The following MKLN1 variants were observed in gnomAD, a reference collection of about 807,000 sequenced individuals.
MKLN1 encodes muskelin.
Under a neutral mutation model 99.0 loss-of-function variants are expected in MKLN1, and 18 were observed. The ratio of observed to expected loss-of-function variants is 0.18; its 90% confidence interval spans 0.13 to 0.27. MKLN1 has a LOEUF of 0.27. Ranked by LOEUF, MKLN1 falls within the 10% of genes least tolerant of loss-of-function variation. The pLI is 1.00. For missense variants in MKLN1, 621 were observed against 875.9 expected (o/e 0.71, Z 3.67); for synonymous variants, 288 against 293.2 (o/e 0.98, Z 0.18).
At chr7:131,158,915 G>C (rs1239057993) in intron 2 of MKLN1, among the ~76,000 whole-genome samples, 1 of 152,150 alleles carries the variant, frequency 6.6e-6, no homozygotes, top group African/African-American at 2.4e-5. Context: ...TTAGATCCCT[G>C]CCTTCTAGTA....
At chr7:131,134,155 T>G (rs1176589570) in intron 1 of MKLN1, among the ~76,000 whole-genome samples, 1 of 152,138 alleles carries the variant, frequency 6.6e-6, no homozygotes, top group Non-Finnish European at 1.5e-5. Flanking sequence ...CTCTAGAAAC[T>G]GTGCTCATCA....
intron 6 of MKLN1, among the ~76,000 whole-genome samples, chr7:131,409,321 A>T (rs953722616): frequency 1.3e-5 from 2 of 152,248 alleles, no homozygotes; most frequent in African/African-American, 2.4e-5. Flanking sequence ...ATTATTTGGG[A>T]TGCAGAGGTG....
intron 2 of MKLN1, among the ~76,000 whole-genome samples, chr7:131,191,000 G>C (rs1791922421): frequency 6.6e-6 from 1 of 152,224 alleles, no homozygotes; most frequent in Admixed American, 6.5e-5. Flanking sequence ...TGAGGACCGA[G>C]ACTCTCTGCT....
chr7:131,117,536 T>C (rs972759856), intron 1 of MKLN1, among the ~76,000 whole-genome samples: 2 of 152,218 alleles, frequency 1.3e-5, no homozygotes, highest in African/African-American at 2.4e-5. Context: ...ATTCTAGGCA[T>C]ACTTATGTGA....
intron 3 of MKLN1, among the ~76,000 whole-genome samples, chr7:131,203,629 A>G (rs17165483): frequency 0.15 from 22,204 of 152,210 alleles, 2,061 homozygotes; most frequent in East Asian, 0.4. Context: ...GTCATTGTCA[A>G]CTGATTGGGC....
intron 2 of MKLN1, among the ~76,000 whole-genome samples, chr7:131,161,923 A>G (rs889114008): frequency 6.8e-6 from 1 of 146,366 alleles, no homozygotes. Context: ...ATAGTATGTT[A>G]TATATACATA....
At position 131,431,948 on chromosome 7, in the gene MKLN1, A is replaced by T. The variant is rs553003215; in HGVS notation, c.960+2803A>T. 4.6e-5 allele frequency among the ~76,000 whole-genome samples: 7 copies of T among 152,240 alleles called. No individual in the cohort carries two copies. In the South Asian group the frequency reaches 1.4e-3, roughly 32 times the overall value. Reference sequence around the variant, plus strand: ...AACTTTACCTAATAAATACCCACTTATTCTTTAAAACTCAGTTCAGACTTC... The same window carrying T: ...AACTTTACCTAATAAATACCCACTTTTTCTTTAAAACTCAGTTCAGACTTC... On this transcript the variant is annotated intron_variant, in intron 9 of 17. Transcript: ENST00000352689.
intron 1 of MKLN1, among the ~76,000 whole-genome samples, chr7:131,339,502 C>G (rs1207701794): frequency 6.6e-6 from 1 of 152,024 alleles, no homozygotes; most frequent in Non-Finnish European, 1.5e-5. Flanking sequence ...GTCAGGAATT[C>G]AGCCTGGCCA....
intron 8 of MKLN1, among the ~76,000 whole-genome samples, chr7:131,416,675 C>T (rs571585196): frequency 6.6e-6 from 1 of 151,938 alleles, no homozygotes; most frequent in Non-Finnish European, 1.5e-5. Context: ...CTTACCCCTA[C>T]TCCCTTTAAA....
At chr7:131,412,240 C>T (rs1296830053) in intron 7 of MKLN1, among the ~76,000 whole-genome samples, 1 of 152,174 alleles carries the variant, frequency 6.6e-6, no homozygotes, top group Non-Finnish European at 1.5e-5. Context: ...GGTTGGGCAG[C>T]TTTTACACAG....
At chr7:131,168,559 G>A (rs1796168757) in intron 2 of MKLN1, among the ~76,000 whole-genome samples, 2 of 152,148 alleles carry the variant, frequency 1.3e-5, no homozygotes, top group South Asian at 4.2e-4. Flanking sequence ...GCTGTTCTCT[G>A]TAGCGCTTAC....
intron 3 of MKLN1, among the ~76,000 whole-genome samples, chr7:131,224,404 G>A (rs1344030388): frequency 6.6e-6 from 1 of 152,074 alleles, no homozygotes; most frequent in African/African-American, 2.4e-5. Flanking sequence ...AAATTAGCTG[G>A]GCGTGGTGGC....
chr7:131,460,506 A>G (rs926793817), intron 12 of MKLN1, among the ~76,000 whole-genome samples: 11 of 152,252 alleles, frequency 7.2e-5, no homozygotes, highest in African/African-American at 2.7e-4. Context: ...GGGAACATAT[A>G]TGATTAACAA....
chr7:131,495,129 A>G lies in MKLN1; in HGVS notation c.*7401A>G, dbSNP rs1401003371. On this transcript the variant is annotated 3_prime_UTR_variant, in exon 18 of 18. Transcript: ENST00000352689. ...GGCATATTTCTAAACAGTTTGGGAA[A>G]GATGTTAGAATTTTTTAAAAGTCAG... The G allele has an allele frequency of 6.6e-6, 1 of 152,184 alleles. No homozygotes were observed. Among genetic ancestry groups the G allele is most frequent in the African/African-American group, 2.4e-5 (1 of 41,444 alleles). The allele number at this position is 152,184 out of a possible 1,614,324, so 9.4% of individuals were successfully genotyped here. A position where few individuals can be genotyped will look rare whatever the true frequency, so the allele number is the denominator to read the frequency against.
chr7:131,223,093 G>T (rs898902715), intron 3 of MKLN1, among the ~76,000 whole-genome samples: 8 of 152,120 alleles, frequency 5.3e-5, no homozygotes, highest in African/African-American at 1.9e-4. Flanking sequence ...CTATCTTCAT[G>T]GTAAGAAGTG....
Position 131,445,846 on chromosome 7 carries a change from G to A in MKLN1, c.1468G>A (p.Val490Met). The change falls in exon 12 of 18, where the codon GTG becomes ATG. Residue 490 changes from valine to methionine, a missense_variant. Val to Met is a conservative substitution (Grantham distance 21, BLOSUM62 1). Around this residue, in one of 8 missense-constraint regions of MKLN1, gnomAD observed 361 missense variants for 540.8 expected, o/e 0.67. Transcript: ENST00000352689. ...TTTGAATGATTTCTTTAGTTATGATGTGGACTCTGATCATGTAGACATAAT... is the reference window on the plus strand; with the variant it reads ...TTTGAATGATTTCTTTAGTTATGATATGGACTCTGATCATGTAGACATAAT... The part of the protein sequence containing the change: ...TYLNDFFSYD[V>M]DSDHVDIISD... The A allele has an allele frequency of 1.2e-6, 2 of 1,607,824 alleles. No homozygotes were observed. The highest frequency in any genetic ancestry group is 1.3e-5 in the African/African-American group (1 of 74,662).
At position 131,283,345 on chromosome 7, in the gene MKLN1, C is replaced by CTTT. The variant is rs755341833; in HGVS notation, c.-179+80371_-179+80372insTTT. Among the ~76,000 whole-genome samples the CTTT allele has an allele frequency of 3.2e-3, 79 of 24,672 alleles. 2 individuals carry two copies. Among genetic ancestry groups the CTTT allele is most frequent in the South Asian group, 6.1e-3 (3 of 490 alleles). 16.2% of individuals were successfully genotyped at this position (24,672 alleles called of 152,430 possible). A position where few individuals can be genotyped will look rare whatever the true frequency, so the allele number is the denominator to read the frequency against. On this transcript the variant is annotated intron_variant, in intron 3 of 7. Coordinates refer to the MKLN1 transcript ENST00000416992. Reference sequence around the variant, plus strand: ...TCCCTCCCTCCTTCCCTTCCCTTCCCCTCCTTCCTTCCTTCCTTCCTTCCT... The same window carrying CTTT: ...TCCCTCCCTCCTTCCCTTCCCTTCCCTTTCTCCTTCCTTCCTTCCTTCCTTCCT...
At chr7:131,328,730 C>T (rs114277104) in intron 1 of MKLN1, among the ~76,000 whole-genome samples, 1,947 of 152,262 alleles carry the variant, frequency 0.013, 50 homozygotes, top group African/African-American at 0.044. Flanking sequence ...AACATAGAAA[C>T]ATCTGGCTTT....
intron 14 of MKLN1, among the ~76,000 whole-genome samples, chr7:131,464,992 T>C (rs111818633): frequency 0.02 from 2,987 of 152,254 alleles, 80 homozygotes; most frequent in African/African-American, 0.066. Flanking sequence ...GACCAATTCT[T>C]TCTGTTAAGC....
Sources: gnomAD v4.1 joint callset for allele counts (sites outside exome capture counted in the v4.1 genomes callset) on GRCh38, gnomAD v4.1.1 for gene constraint, gnomAD v4.1.1 regional missense constraint, MANE v1.5 for transcripts, NCBI Gene and HGNC (gene_info 2026-07-23, HGNC 2026-07-21) for gene names.